Variants in ADAM9 observed in about 807,000 individuals in gnomAD.
ADAM9 encodes the protein disintegrin and metalloproteinase domain-containing protein 9.
ADAM9 carries 54 observed loss-of-function variants against 108.1 expected under a neutral mutation model. The ratio of observed to expected loss-of-function variants is 0.50; its 90% CI spans 0.40 to 0.63. The LOEUF (loss-of-function observed/expected upper bound fraction) is 0.63. ADAM9 is among the 20% of genes least tolerant of loss of function. The pLI, the probability that ADAM9 is intolerant of heterozygous loss-of-function variation, is 0.00. For missense variants in ADAM9, 830 were observed against 997.7 expected, an observed-to-expected ratio of 0.83 and a Z score of 2.26; for synonymous variants, 316 against 336.0, an observed-to-expected ratio of 0.94 and a Z score of 0.65.
At position 39,103,646 on chromosome 8, in the gene ADAM9, C is replaced by T. The variant is rs2129443684; in HGVS notation, c.2406C>T (p.Asn802=). The change falls in exon 22 of 22, where the codon AAC becomes AAT. Residue 802 remains asparagine, a synonymous_variant. Transcript: ENST00000487273. ...AACCGAAAGTATCATCTCAGGGAAACTTAATTCCTGCCCGTCCTGCTCCTG... is the reference window on the plus strand; with the variant it reads ...AACCGAAAGTATCATCTCAGGGAAATTTAATTCCTGCCCGTCCTGCTCCTG... ...PPQPKVSSQG[N]LIPARPAPAP... is the part of the protein sequence containing the mutation. 1 of 1,614,150 alleles carries T rather than the reference C, an allele frequency of 6.2e-7. No individual in the cohort carries two copies.
intron 16 of ADAM9, among the ~76,000 whole-genome samples, chr8:39,078,714 C>T (rs934894264): frequency 6.6e-6 from 1 of 152,006 alleles, no homozygotes; most frequent in African/African-American, 2.4e-5. Context: ...CTGGGAGGCA[C>T]AGGTTGCAGT....
At chr8:39,013,089 C>T (rs1360297360) in intron 3 of ADAM9, among the ~76,000 whole-genome samples, 26 of 152,156 alleles carry the variant, frequency 1.7e-4, no homozygotes, top group Admixed American at 1.7e-3. Context: ...TACAGCTGCT[C>T]CAGTCCTGCT....
chr8:39,068,444 G>A (rs1004890366), intron 14 of ADAM9, among the ~76,000 whole-genome samples: 1 of 151,910 alleles, frequency 6.6e-6, no homozygotes, highest in Non-Finnish European at 1.5e-5. Context: ...GGAGGCCGAG[G>A]CATGTGGATT....
At chr8:39,053,355 C>T (rs575190504) in intron 12 of ADAM9, among the ~76,000 whole-genome samples, 15 of 152,096 alleles carry the variant, frequency 9.9e-5, no homozygotes, top group Admixed American at 5.9e-4. Flanking sequence ...GTAATTTTAT[C>T]GGTTGTTCTT....
chr8:39,045,534 G>A (rs1837732677), intron 12 of ADAM9, among the ~76,000 whole-genome samples: 1 of 134,320 alleles, frequency 7.4e-6, no homozygotes, highest in South Asian at 2.4e-4. Flanking sequence ...ATGTGCATAT[G>A]TGTGTATATA....
intron 1 of ADAM9, among the ~76,000 whole-genome samples, chr8:39,004,863 A>G (rs1011024614): frequency 1.3e-5 from 2 of 152,164 alleles, no homozygotes; most frequent in Non-Finnish European, 2.9e-5. Context: ...GGACGACCAG[A>G]GGTCACTTTC....
intron 4 of ADAM9, chr8:39,014,665 AC>A (rs1260733331): frequency 4.4e-6 from 3 of 677,350 alleles, no homozygotes; most frequent in Admixed American, 2.2e-5. Context: ...TAGGTATTAT[AC>A]CTTTTTTTCT....
chr8:39,033,556 A>G (rs1309134937), intron 11 of ADAM9, among the ~76,000 whole-genome samples: 1 of 151,658 alleles, frequency 6.6e-6, no homozygotes, highest in African/African-American at 2.4e-5. Flanking sequence ...TTTAATCCAA[A>G]TTGAAAATAT....
chr8:39,076,958 C>T (rs540938998), intron 15 of ADAM9, among the ~76,000 whole-genome samples: 3 of 152,224 alleles, frequency 2.0e-5, no homozygotes, highest in African/African-American at 7.2e-5. Flanking sequence ...GAGCTCTAGA[C>T]AGACAGTGAA....
intron 16 of ADAM9, among the ~76,000 whole-genome samples, chr8:39,082,020 G>A (rs9643906): frequency 0.24 from 35,871 of 151,864 alleles, 4,550 homozygotes; most frequent in South Asian, 0.31. Context: ...CAGTAGCTAG[G>A]ATTCATTTCT....
At chr8:39,084,711 G>C (rs1011948420) in intron 18 of ADAM9, among the ~76,000 whole-genome samples, 1 of 151,842 alleles carries the variant, frequency 6.6e-6, no homozygotes, top group Non-Finnish European at 1.5e-5. Context: ...ATTAGTTCAT[G>C]TCAGTTAATA....
In ADAM9 at chr8:39,026,692, G is replaced by A. The variant is rs1836934163; in HGVS notation, c.1012G>A (p.Val338Met). Residue 338 changes from valine (V) to methionine (M), a missense_variant, in exon 11 of 22, where the codon GTG becomes ATG. Coordinates refer to ENST00000487273, the MANE Select transcript of ADAM9 (RefSeq NM_003816.3). ...GGINVFGQIT[V>M]ETFASIVAHE... ...TTCTGAACAGTTTGGACAAATCACT[G>A]TGGAGACATTTGCTTCCATTGTTGC... 2 of 1,614,164 alleles carry A rather than the reference G, an allele frequency of 1.2e-6. No individual in the cohort carries two copies. Among genetic ancestry groups the A allele is most frequent in the Non-Finnish European group, 1.7e-6 (2 of 1,180,024 alleles).
intron 11 of ADAM9, among the ~76,000 whole-genome samples, chr8:39,029,187 G>A (rs1837022505): frequency 6.8e-6 from 1 of 147,484 alleles, no homozygotes; most frequent in Admixed American, 6.8e-5. Flanking sequence ...GGATACAGTA[G>A]ATAGAAAGGG....
At chr8:39,044,924 A>G (rs1023405081) in intron 12 of ADAM9, among the ~76,000 whole-genome samples, 54 of 140,950 alleles carry the variant, frequency 3.8e-4, no homozygotes, top group African/African-American at 1.5e-3. Context: ...GTATGTATAT[A>G]TGTGTGTGCA....
chr8:39,015,106 A>G (rs1836484488), intron 4 of ADAM9: 1 of 152,500 alleles, frequency 6.6e-6, no homozygotes, highest in South Asian at 2.1e-4. Flanking sequence ...TTCCTCATAG[A>G]GGTTTCTTGG....
At chr8:39,065,535 C>A (rs1205395855) in intron 14 of ADAM9, among the ~76,000 whole-genome samples, 1 of 151,658 alleles carries the variant, frequency 6.6e-6, no homozygotes, top group Non-Finnish European at 1.5e-5. Flanking sequence ...TGGCAGGCGC[C>A]TGTATTCCCA....
chr8:39,027,177 A>G (rs193205150), intron 11 of ADAM9, among the ~76,000 whole-genome samples: 1 of 152,356 alleles, frequency 6.6e-6, no homozygotes, highest in East Asian at 1.9e-4. Flanking sequence ...ATTAGAAATT[A>G]AGAGGGAGTT....
At chr8:39,082,544 C>A in intron 16 of ADAM9, 97 bp from the exon 17 acceptor site, 1 of 853,494 alleles carries the variant, frequency 1.2e-6, no homozygotes, top group Non-Finnish European at 1.9e-6. Context: ...TGAAAGAATT[C>A]TGCAATGAAA....
At chr8:39,037,577 C>T (rs906343810) in intron 11 of ADAM9, among the ~76,000 whole-genome samples, 6 of 151,316 alleles carry the variant, frequency 4.0e-5, no homozygotes, top group Admixed American at 2.6e-4. Context: ...AGGTGTGCAC[C>T]ACCATGCCCA....
Sources: allele counts gnomAD v4.1 joint callset (sites outside exome capture counted in the v4.1 genomes callset), GRCh38; gene constraint gnomAD v4.1.1; transcripts MANE v1.5; gene names NCBI Gene and HGNC (gene_info 2026-07-23, HGNC 2026-07-21).